Variants in MAGI2 observed in about 807,000 individuals in gnomAD.
MAGI2 encodes membrane associated guanylate kinase, WW and PDZ domain containing 2.
MAGI2 carries 35 observed loss-of-function variants against 133.3 expected under a neutral mutation model. The ratio of observed to expected loss-of-function variants is 0.26; its 90% CI spans 0.20 to 0.35. The LOEUF is 0.35. MAGI2 is among the 10% of genes least tolerant of loss of function. The pLI is 1.00. For synonymous variants in MAGI2, 729 were observed against 710.6 expected (o/e 1.03, Z -0.41); for missense variants, 1,636 against 1,863.4 (o/e 0.88, Z 2.25).
intron 2 of MAGI2, among the ~76,000 whole-genome samples, chr7:78,808,242 T>C (rs1788747789): frequency 6.6e-6 from 1 of 152,088 alleles, no homozygotes; most frequent in Admixed American, 6.6e-5. Flanking sequence ...GCTGTATTTT[T>C]ATTTATTTAC....
rs1379684827 is a variant in MAGI2 at position 78,427,654 on chromosome 7, AAAGAC to A, written c.1046-58446_1046-58442del. ...ACTCTTTCAGTAACTGAGAGAACAA[AAAGAC>A]AAAAAAAAAAAAAAACAGCCAGAAT... On this transcript the variant is annotated intron_variant, in intron 6 of 21. Transcript: ENST00000354212. Among the ~76,000 whole-genome samples the A allele has an allele frequency of 4.1e-4, 58 of 140,552 alleles. 1 individual carries two copies. Among genetic ancestry groups the A allele is most frequent in the African/African-American group, 1.7e-3 (54 of 31,774 alleles). 92.2% of individuals were successfully genotyped at this position (140,552 alleles called of 152,430 possible).
chr7:79,007,100 G>A lies in MAGI2; in HGVS notation c.408C>T (p.Arg136=). The A allele has an allele frequency of 6.2e-7, 1 of 1,609,586 alleles. No homozygotes were observed. Among genetic ancestry groups the A allele is most frequent in the Non-Finnish European group, 8.5e-7 (1 of 1,177,440 alleles). Residue 136 remains arginine (R), a synonymous_variant, in exon 2 of 22, where the codon CGC becomes CGT. Transcript: ENST00000354212. ...GCCCATTGTACTCACATGGCACCGT[G>A]CGGAGGTAGAGGTTGTCACGAATGA... The part of the protein sequence containing the change: ...QQIIRDNLYL[R]TVPCTTRPHK...
At chr7:79,091,966 T>A (rs1394379846) in intron 1 of MAGI2, among the ~76,000 whole-genome samples, 1 of 152,088 alleles carries the variant, frequency 6.6e-6, no homozygotes, top group Non-Finnish European at 1.5e-5. Flanking sequence ...TTGCTGATTC[T>A]GTTGTAAACC....
intron 2 of MAGI2, among the ~76,000 whole-genome samples, chr7:78,680,913 AG>A (rs1815579289): frequency 6.6e-6 from 1 of 152,092 alleles, no homozygotes; most frequent in Non-Finnish European, 1.5e-5. Context: ...TCATGCTTAG[AG>A]GGTGGTCCTA....
rs200999520 is a variant in MAGI2, at chr7:78,132,994, A to G, written c.3098T>C (p.Leu1033Pro). Residue 1033 changes from leucine to proline, a missense_variant, in exon 18 of 22, where the codon CTG (leucine) becomes CCG (proline). Leu to Pro is a moderately conservative substitution (Grantham distance 98, BLOSUM62 -3). Transcript: ENST00000354212. ...KQSPMAQQSP[L>P]AQQSPLAQPS... ...CTGGGCCAGGGGACTCTGCTGTGCCAGGGGACTCTGCTGCGCCATGGGACT... is the reference window on the plus strand; with the variant it reads ...CTGGGCCAGGGGACTCTGCTGTGCCGGGGGACTCTGCTGCGCCATGGGACT... The G allele has an allele frequency of 6.2e-7, 1 of 1,611,676 alleles. No homozygotes were observed. Among genetic ancestry groups the G allele is most frequent in the African/African-American group, 1.3e-5 (1 of 74,862 alleles).
intron 1 of MAGI2, among the ~76,000 whole-genome samples, chr7:79,163,986 T>C (rs1288058221): frequency 6.6e-6 from 1 of 152,030 alleles, no homozygotes; most frequent in Non-Finnish European, 1.5e-5. Flanking sequence ...CAATTGGCTA[T>C]TACATCAGGT....
intron 2 of MAGI2, among the ~76,000 whole-genome samples, chr7:78,760,216 A>T (rs1054887470): frequency 5.9e-5 from 9 of 152,146 alleles, no homozygotes; most frequent in African/African-American, 2.2e-4. Context: ...TATTTTTTTC[A>T]TTATATAATA....
At chr7:79,328,714 G>C (rs1839866486) in intron 1 of MAGI2, among the ~76,000 whole-genome samples, 1 of 152,122 alleles carries the variant, frequency 6.6e-6, no homozygotes, top group Non-Finnish European at 1.5e-5. Flanking sequence ...AGTGATCTTA[G>C]AATTGGTATT....
intron 1 of MAGI2, among the ~76,000 whole-genome samples, chr7:79,312,803 A>C (rs1322622276): frequency 1.3e-5 from 2 of 152,172 alleles, no homozygotes; most frequent in Non-Finnish European, 2.9e-5. Context: ...AATCTGGATA[A>C]AAATCTTAGC....
At chr7:78,468,192 A>G (rs1421745249) in intron 6 of MAGI2, among the ~76,000 whole-genome samples, 1 of 152,178 alleles carries the variant, frequency 6.6e-6, no homozygotes, top group East Asian at 1.9e-4. Context: ...TGCCTCACAT[A>G]GTTTTATCAG....
At chr7:78,967,621 TTTA>T (rs1025894743) in intron 2 of MAGI2, among the ~76,000 whole-genome samples, 48 of 147,752 alleles carry the variant, frequency 3.2e-4, no homozygotes, top group African/African-American at 8.9e-4. Flanking sequence ...TGATTTTTTT[TTTA>T]TATATATATA....
At chr7:78,894,592 T>C (rs1351809768) in intron 2 of MAGI2, among the ~76,000 whole-genome samples, 1 of 152,132 alleles carries the variant, frequency 6.6e-6, no homozygotes, top group Non-Finnish European at 1.5e-5. Flanking sequence ...CTCATTTCAC[T>C]CATAAGTCAT....
intron 2 of MAGI2, among the ~76,000 whole-genome samples, chr7:78,659,618 T>C (rs1363626312): frequency 6.6e-6 from 1 of 152,046 alleles, no homozygotes; most frequent in Non-Finnish European, 1.5e-5. Flanking sequence ...AGATTACTTG[T>C]TGCCAAGGGT....
At chr7:79,169,227 G>A (rs565467208) in intron 1 of MAGI2, among the ~76,000 whole-genome samples, 29 of 151,970 alleles carry the variant, frequency 1.9e-4, no homozygotes, top group African/African-American at 4.6e-4. Context: ...GAGCTGGACC[G>A]TTTTCAGTTA....
chr7:78,363,967 T>G (rs1480045421), intron 7 of MAGI2, among the ~76,000 whole-genome samples: 2 of 152,220 alleles, frequency 1.3e-5, no homozygotes, highest in African/African-American at 2.4e-5. Flanking sequence ...ATGCACGAAG[T>G]GCACAATAAG....
At chr7:79,252,786 A>G (rs889969672) in intron 1 of MAGI2, among the ~76,000 whole-genome samples, 3 of 152,158 alleles carry the variant, frequency 2.0e-5, no homozygotes, top group Admixed American at 2.0e-4. Flanking sequence ...TTATGACTTA[A>G]TATTAAGAGA....
chr7:78,422,865 A>G (rs1254787488), intron 6 of MAGI2, among the ~76,000 whole-genome samples: 1 of 152,212 alleles, frequency 6.6e-6, no homozygotes, highest in Non-Finnish European at 1.5e-5. Flanking sequence ...GTTACTACTC[A>G]GTCATCTTAG....
intron 2 of MAGI2, among the ~76,000 whole-genome samples, chr7:78,900,536 CT>C (rs1302115390): frequency 4.6e-5 from 7 of 152,098 alleles, no homozygotes; most frequent in Admixed American, 1.3e-4. Context: ...TATTCTTCCA[CT>C]CCAAATGCCA....
At chr7:78,795,897 T>C (rs891647391) in intron 2 of MAGI2, among the ~76,000 whole-genome samples, 1 of 152,114 alleles carries the variant, frequency 6.6e-6, no homozygotes, top group African/African-American at 2.4e-5. Context: ...AAGGACAGAC[T>C]GTTTAAATAA....
Sources: gnomAD v4.1 joint callset for allele counts (sites outside exome capture counted in the v4.1 genomes callset) on GRCh38, gnomAD v4.1.1 for gene constraint, MANE v1.5 for transcripts, NCBI Gene and HGNC (gene_info 2026-07-23, HGNC 2026-07-21) for gene names.